The following DNM3 variants were observed in gnomAD, a reference collection of about 807,000 sequenced individuals.
DNM3 encodes dynamin 3, also known as dynamin-3.
Under a neutral mutation model 101.6 loss-of-function variants are expected in DNM3, and 47 were observed. That is an observed-to-expected ratio of 0.46 (90% confidence interval 0.37 to 0.59). DNM3 has a LOEUF of 0.59. Among genes scored for constraint, DNM3 ranks in the 20% least tolerant of loss-of-function variants. DNM3 has a pLI of 0.00. For missense variants in DNM3, 849 were observed against 1,085.7 expected, an observed-to-expected ratio of 0.78 and a Z score of 3.06; for synonymous variants, 385 against 387.9, an observed-to-expected ratio of 0.99 and a Z score of 0.09.
intron 14 of DNM3, among the ~76,000 whole-genome samples, chr1:172,142,741 A>C (rs2057653890): frequency 6.6e-6 from 1 of 151,630 alleles, no homozygotes; most frequent in Non-Finnish European, 1.5e-5. Flanking sequence ...TAGAGTAAAA[A>C]AAAAAAAAAA....
At chr1:172,101,120 G>A (rs2054612410) in intron 13 of DNM3, among the ~76,000 whole-genome samples, 1 of 152,184 alleles carries the variant, frequency 6.6e-6, no homozygotes, top group Non-Finnish European at 1.5e-5. Flanking sequence ...AAGAAGAAAG[G>A]ATAGACGCTG....
chr1:171,993,709 T>G (rs1355420396), intron 4 of DNM3, among the ~76,000 whole-genome samples: 1 of 151,960 alleles, frequency 6.6e-6, no homozygotes, highest in African/African-American at 2.4e-5. Flanking sequence ...TCACATTATG[T>G]GTATGTTGGT....
At chr1:171,855,502 AT>A (rs2033507102) in intron 1 of DNM3, among the ~76,000 whole-genome samples, 1 of 152,252 alleles carries the variant, frequency 6.6e-6, no homozygotes, top group Non-Finnish European at 1.5e-5. Flanking sequence ...CCAACAGTGT[AT>A]AAGTGTTACC....
At chr1:172,290,932 G>A (rs61807830) in intron 15 of DNM3, among the ~76,000 whole-genome samples, 12,244 of 152,170 alleles carry the variant, frequency 0.08, 568 homozygotes, top group African/African-American at 0.11. Context: ...GGAGTCAGGC[G>A]GGTGTGATAT....
intron 17 of DNM3, among the ~76,000 whole-genome samples, chr1:172,324,972 A>G (rs2148918558): frequency 6.6e-6 from 1 of 152,276 alleles, no homozygotes; most frequent in South Asian, 2.1e-4. Flanking sequence ...AGAAGCATTT[A>G]GGATTTGTCT....
At chr1:171,844,812 C>T (rs1159578625) in intron 1 of DNM3, among the ~76,000 whole-genome samples, 1 of 152,148 alleles carries the variant, frequency 6.6e-6, no homozygotes, top group East Asian at 1.9e-4. Flanking sequence ...TGGCTTGGGT[C>T]TGCCTACTGG....
chr1:172,368,531 T>G (rs2068148537), intron 17 of DNM3, among the ~76,000 whole-genome samples: 1 of 151,564 alleles, frequency 6.6e-6, no homozygotes, highest in Non-Finnish European at 1.5e-5. Flanking sequence ...AGTAGAAAGA[T>G]TTCAAATAAA....
chr1:172,103,818 T>C (rs989857281), intron 13 of DNM3, among the ~76,000 whole-genome samples: 8 of 152,112 alleles, frequency 5.3e-5, no homozygotes, highest in Admixed American at 2.0e-4. Flanking sequence ...CTGGCCAACA[T>C]AGTGAAACCC....
At chr1:172,319,762 G>A (rs2148904272) in intron 16 of DNM3, among the ~76,000 whole-genome samples, 1 of 152,298 alleles carries the variant, frequency 6.6e-6, no homozygotes, top group Non-Finnish European at 1.5e-5. Flanking sequence ...GGAGAAATAG[G>A]AACACTTTTA....
intron 14 of DNM3, among the ~76,000 whole-genome samples, chr1:172,154,648 G>T (rs1273213437): frequency 6.6e-6 from 1 of 152,020 alleles, no homozygotes; most frequent in African/African-American, 2.4e-5. Flanking sequence ...AATGTATTTT[G>T]GAATTTGCAA....
At chr1:171,970,509 A>C (rs1057397176) in intron 2 of DNM3, among the ~76,000 whole-genome samples, 5 of 152,104 alleles carry the variant, frequency 3.3e-5, no homozygotes, top group African/African-American at 1.2e-4. Flanking sequence ...TAAGTATATA[A>C]AATGTGTTTT....
At chr1:171,973,124 G>A (rs1433911193) in intron 2 of DNM3, among the ~76,000 whole-genome samples, 1 of 152,166 alleles carries the variant, frequency 6.6e-6, no homozygotes, top group African/African-American at 2.4e-5. Context: ...GGGGGCGGGG[G>A]AGGAGGGATA....
intron 1 of DNM3, among the ~76,000 whole-genome samples, chr1:171,863,550 T>C (rs969196203): frequency 6.6e-6 from 1 of 152,222 alleles, no homozygotes; most frequent in African/African-American, 2.4e-5. Context: ...TTTTCTAAAA[T>C]GCATGTTTTA....
intron 1 of DNM3, among the ~76,000 whole-genome samples, chr1:171,887,655 A>C (rs900122769): frequency 6.6e-6 from 1 of 152,096 alleles, no homozygotes; most frequent in African/African-American, 2.4e-5. Context: ...TGACTGGATA[A>C]AATTCTTTCA....
intron 12 of DNM3, among the ~76,000 whole-genome samples, chr1:172,087,518 C>T (rs1236423097): frequency 6.6e-6 from 1 of 152,104 alleles, no homozygotes; most frequent in African/African-American, 2.4e-5. Context: ...AAACTAAACT[C>T]CTCATCTGCT....
chr1:171,980,010 C>G (rs1186127656), intron 2 of DNM3, among the ~76,000 whole-genome samples: 3 of 152,122 alleles, frequency 2.0e-5, no homozygotes, highest in Non-Finnish European at 2.9e-5. Flanking sequence ...TGCTTGGCAC[C>G]AGCTTTTTGT....
At chr1:172,267,357 TAAAG>T (rs2062904000) in intron 15 of DNM3, among the ~76,000 whole-genome samples, 1 of 152,186 alleles carries the variant, frequency 6.6e-6, no homozygotes, top group African/African-American at 2.4e-5. Context: ...AAGGCATTCT[TAAAG>T]TAAGTAAGCT....
At chr1:172,195,426 A>T (rs2059911385) in intron 14 of DNM3, among the ~76,000 whole-genome samples, 1 of 151,630 alleles carries the variant, frequency 6.6e-6, no homozygotes, top group South Asian at 2.1e-4. Context: ...CCTTTTCTTG[A>T]CTTATGGCAT....
chr1:172,096,323 G>T (rs574736412), intron 13 of DNM3, among the ~76,000 whole-genome samples: 1 of 152,250 alleles, frequency 6.6e-6, no homozygotes, highest in African/African-American at 2.4e-5. Flanking sequence ...ATTATAGTAA[G>T]GTTTTAAGCA....
Sources: allele counts gnomAD v4.1 joint callset (sites outside exome capture counted in the v4.1 genomes callset), GRCh38; gene constraint gnomAD v4.1.1; transcripts MANE v1.5; gene names NCBI Gene and HGNC (gene_info 2026-07-23, HGNC 2026-07-21).